The following MOB4 variants were observed in gnomAD, a reference collection of about 807,000 sequenced individuals.
MOB4 encodes the protein MOB-like protein phocein.
In MOB4, 4 loss-of-function variants were observed where a neutral mutation model predicts 32.2. That is an observed-to-expected ratio of 0.12 (90% CI 0.06 to 0.28). The LOEUF (loss-of-function observed/expected upper bound fraction) is 0.28, where lower values mean the gene tolerates loss of function less well. Among genes scored for constraint, MOB4 ranks in the 10% least tolerant of loss-of-function variants. The pLI is 1.00. For synonymous variants in MOB4, 88 were observed against 88.1 expected (o/e 1.00, Z 0.01); for missense variants, 158 against 271.2 (o/e 0.58, Z 2.93).
At chr2:197,527,817 G>C (rs909640186) in intron 2 of MOB4, among the ~76,000 whole-genome samples, 1 of 152,084 alleles carries the variant, frequency 6.6e-6, no homozygotes, top group East Asian at 1.9e-4. Flanking sequence ...TTTAAACCTA[G>C]TTTTCTGAGT....
chr2:197,530,159 G>A (rs761364005), intron 2 of MOB4, among the ~76,000 whole-genome samples: 10 of 151,990 alleles, frequency 6.6e-5, no homozygotes, highest in Non-Finnish European at 5.9e-5. Context: ...TAGTAGAGAC[G>A]GGGTTTCACC....
intron 2 of MOB4, chr2:197,533,763 C>A: frequency 2.2e-6 from 1 of 458,942 alleles, no homozygotes; most frequent in African/African-American, 2.0e-5. Flanking sequence ...GATCCCTTTC[C>A]CTGTCATCAT....
chr2:197,517,844 A>C (rs1474517176), intron 1 of MOB4, among the ~76,000 whole-genome samples: 2 of 152,192 alleles, frequency 1.3e-5, no homozygotes, highest in Admixed American at 6.5e-5. Context: ...AAAAAATTAA[A>C]AACTATAATA....
chr2:197,544,219 G>A (rs2086950603), intron 5 of MOB4, among the ~76,000 whole-genome samples: 1 of 152,100 alleles, frequency 6.6e-6, no homozygotes, highest in Non-Finnish European at 1.5e-5. Flanking sequence ...CAACAGGCGT[G>A]CACCACCATG....
At chr2:197,542,782 C>T (rs1476812176) in intron 5 of MOB4, among the ~76,000 whole-genome samples, 1 of 152,006 alleles carries the variant, frequency 6.6e-6, no homozygotes, top group Non-Finnish European at 1.5e-5. Flanking sequence ...CCATTTTTTG[C>T]TGTTATAACT....
At chr2:197,548,097 G>T (rs2087030223) in intron 5 of MOB4, among the ~76,000 whole-genome samples, 1 of 152,132 alleles carries the variant, frequency 6.6e-6, no homozygotes, top group Non-Finnish European at 1.5e-5. Context: ...TAGGTACGAT[G>T]TTGGGAATAA....
chr2:197,526,192 A>G (rs2086608451), intron 2 of MOB4, among the ~76,000 whole-genome samples: 1 of 152,124 alleles, frequency 6.6e-6, no homozygotes, highest in African/African-American at 2.4e-5. Context: ...GGTCTTTATT[A>G]TATTGAAGTT....
At chr2:197,528,376 T>G (rs2086642275) in intron 2 of MOB4, among the ~76,000 whole-genome samples, 1 of 152,154 alleles carries the variant, frequency 6.6e-6, no homozygotes, top group African/African-American at 2.4e-5. Flanking sequence ...ACCACTTTAC[T>G]TGAAATGTAG....
intron 1 of MOB4, among the ~76,000 whole-genome samples, chr2:197,521,403 TCACAGGAC>T (rs1250276388): frequency 1.3e-5 from 2 of 152,126 alleles, no homozygotes; most frequent in Non-Finnish European, 2.9e-5. Context: ...CAGGGCGAGA[TCACAGGAC>T]CACAGGACCA....
chr2:197,550,264 T>G lies in MOB4; in HGVS notation c.435-11T>G, dbSNP rs769163383. 3.7e-6 allele frequency: 6 copies of G among 1,600,574 alleles called. No individual in the cohort carries two copies. The Admixed American group carries it at 1.1e-4, about 28-fold the overall frequency. On this transcript the variant is annotated splice_polypyrimidine_tract_variant and intron_variant, in intron 6 of 7. Transcript: ENST00000323303. The stretch of plus-strand genomic sequence containing the variant: ...AGTTCTAAGAATCTATGGTTTCTTT[T>G]CTACTTCTAGGGTTAGCATAAAGGA...
At chr2:197,548,110 A>G (rs1037689125) in intron 5 of MOB4, among the ~76,000 whole-genome samples, 2 of 152,184 alleles carry the variant, frequency 1.3e-5, no homozygotes, top group Admixed American at 1.3e-4. Flanking sequence ...GGGAATAAAA[A>G]TGGGAGACTG....
intron 2 of MOB4, among the ~76,000 whole-genome samples, chr2:197,530,830 G>A (rs761841450): frequency 2.7e-4 from 41 of 152,030 alleles, no homozygotes; most frequent in Non-Finnish European, 5.6e-4. Flanking sequence ...TCCTGAGCTT[G>A]AGTGATCCTC....
At chr2:197,516,425 C>T (rs2086412771) in intron 1 of MOB4, 9 of 1,333,928 alleles carry the variant, frequency 6.7e-6, no homozygotes, top group Non-Finnish European at 8.8e-6. Context: ...GCGAGCCTGT[C>T]AGCAGCAACG....
chr2:197,519,395 C>A (rs556401877), intron 1 of MOB4, among the ~76,000 whole-genome samples: 1 of 152,336 alleles, frequency 6.6e-6, no homozygotes, highest in South Asian at 2.1e-4. Flanking sequence ...TCCGTACCCC[C>A]ACCCCATACC....
intron 2 of MOB4, among the ~76,000 whole-genome samples, chr2:197,526,854 C>T (rs538722808): frequency 6.6e-6 from 1 of 152,232 alleles, no homozygotes; most frequent in East Asian, 1.9e-4. Context: ...TTCTGTTTGT[C>T]TGTATGTCTA....
chr2:197,553,426 C>CA lies in MOB4; in HGVS notation c.*2792dup, dbSNP rs201764936. ...AAACTCCGTCTCAAAAACTCCGTCT[C>CA]AAAAAAAAAAAATCCTTGATTACAT... On this transcript the variant is annotated 3_prime_UTR_variant, in exon 8 of 8. Transcript: ENST00000323303. 166 of 139,028 alleles carry CA rather than the reference C, an allele frequency of 1.2e-3. No individual in the cohort carries two copies. Among genetic ancestry groups the CA allele is most frequent in the East Asian group, 7.8e-3 (38 of 4,846 alleles). The allele number at this position is 139,028 out of a possible 1,614,324, so 8.6% of individuals were successfully genotyped here.
rs1174365884 is a variant in MOB4 at position 197,517,957 on chromosome 2, C to T, written c.60+1811C>T. ...GAGTTCAAGACCAGCCTGGCCAACA[C>T]GGTGAAACCCCGTCTCTACTAAAAA... is the stretch of plus-strand genomic sequence containing the variant. On this transcript the variant is annotated intron_variant, in intron 1 of 7. Transcript: ENST00000323303. Among the ~76,000 whole-genome samples, 3 of 152,082 alleles carry T rather than the reference C, an allele frequency of 2.0e-5. No individual in the cohort carries two copies. In the East Asian group the frequency reaches 5.8e-4, roughly 30 times the overall value.
chr2:197,533,264 C>T (rs1046480808), intron 2 of MOB4, among the ~76,000 whole-genome samples: 6 of 151,922 alleles, frequency 3.9e-5, no homozygotes, highest in East Asian at 1.9e-4. Context: ...GTTGGGGGAA[C>T]GAGAGATTTG....
At chr2:197,541,691 G>C (rs576144894) in intron 5 of MOB4, among the ~76,000 whole-genome samples, 1 of 152,022 alleles carries the variant, frequency 6.6e-6, no homozygotes, top group Non-Finnish European at 1.5e-5. Context: ...AGGCCGAGGC[G>C]GGCGGATCAC....
Sources: allele counts gnomAD v4.1 joint callset (sites outside exome capture counted in the v4.1 genomes callset), GRCh38; gene constraint gnomAD v4.1.1; transcripts MANE v1.5; gene names NCBI Gene and HGNC (gene_info 2026-07-23, HGNC 2026-07-21).